Variants in RGS6 observed in about 807,000 individuals in gnomAD.
RGS6 encodes regulator of G protein signaling 6.
RGS6 carries 30 observed loss-of-function variants against 78.5 expected under a neutral mutation model. The observed-to-expected ratio is 0.38, with a 90% CI of 0.29 to 0.52. The LOEUF (loss-of-function observed/expected upper bound fraction) is 0.52, where lower values mean the gene tolerates loss of function less well. Ranked by LOEUF, RGS6 falls within the 20% of genes least tolerant of loss-of-function variation. The pLI is 0.85. For synonymous variants in RGS6, 206 were observed against 206.0 expected, an observed-to-expected ratio of 1.00 and a Z score of 0.00; for missense variants, 495 against 609.7, an observed-to-expected ratio of 0.81 and a Z score of 1.98.
intron 2 of RGS6, among the ~76,000 whole-genome samples, chr14:72,339,015 C>G (rs965073758): frequency 6.6e-6 from 1 of 152,024 alleles, no homozygotes; most frequent in African/African-American, 2.4e-5. Context: ...AACTATTATC[C>G]TTTAGAATTG....
chr14:72,057,683 G>C (rs1452843096), intron 2 of RGS6, among the ~76,000 whole-genome samples: 5 of 152,138 alleles, frequency 3.3e-5, no homozygotes, highest in South Asian at 2.1e-4. Context: ...CTTGATTGCA[G>C]TGAATTTTTC....
chr14:72,280,985 A>G (rs2061472392), intron 2 of RGS6, among the ~76,000 whole-genome samples: 1 of 152,210 alleles, frequency 6.6e-6, no homozygotes, highest in Non-Finnish European at 1.5e-5. Context: ...AATCCTATGT[A>G]GGCAGATGTT....
intron 14 of RGS6, among the ~76,000 whole-genome samples, chr14:72,512,470 G>A (rs1240864626): frequency 6.6e-6 from 1 of 152,208 alleles, no homozygotes; most frequent in African/African-American, 2.4e-5. Flanking sequence ...CTGCGCCTCT[G>A]CCAGCTCCTT....
chr14:72,119,094 G>T (rs566908782), intron 2 of RGS6, among the ~76,000 whole-genome samples: 2 of 152,076 alleles, frequency 1.3e-5, no homozygotes, highest in African/African-American at 4.8e-5. Context: ...AAATAATTCC[G>T]TAGAGTAATG....
At chr14:72,592,499 T>C in the RGS6 span, among the ~76,000 whole-genome samples, 1 of 152,242 alleles carries the variant, frequency 6.6e-6, no homozygotes, top group Non-Finnish European at 1.5e-5. Flanking sequence ...GACATTCCAA[T>C]GTGCCAGATG....
chr14:71,916,568 T>C, the RGS6 span, among the ~76,000 whole-genome samples: 2 of 152,316 alleles, frequency 1.3e-5, no homozygotes, highest in African/African-American at 2.4e-5. Context: ...GAATTTGCAG[T>C]GTGGATCTGC....
the RGS6 span, among the ~76,000 whole-genome samples, chr14:72,586,967 C>T: frequency 1.3e-5 from 2 of 152,064 alleles, no homozygotes; most frequent in African/African-American, 2.4e-5. Flanking sequence ...AACTCATCTA[C>T]TGAATAGGAA....
At chr14:72,161,078 C>T (rs2096845935) in intron 2 of RGS6, among the ~76,000 whole-genome samples, 2 of 152,144 alleles carry the variant, frequency 1.3e-5, no homozygotes, top group African/African-American at 2.4e-5. Context: ...AGGATGAGTT[C>T]GTGTCCTTTG....
intron 2 of RGS6, among the ~76,000 whole-genome samples, chr14:72,012,645 C>T (rs1289249584): frequency 3.9e-5 from 6 of 152,162 alleles, no homozygotes. Context: ...CTAAAAGTAG[C>T]ACCTTCCTTT....
intron 2 of RGS6, among the ~76,000 whole-genome samples, chr14:72,299,244 A>G (rs1244015651): frequency 6.6e-6 from 1 of 152,208 alleles, no homozygotes; most frequent in African/African-American, 2.4e-5. Flanking sequence ...CACCCTAACA[A>G]GAAATCGTGG....
intron 2 of RGS6, among the ~76,000 whole-genome samples, chr14:72,136,034 C>T (rs2096433602): frequency 2.0e-5 from 3 of 152,134 alleles, no homozygotes; most frequent in African/African-American, 7.2e-5. Flanking sequence ...ATTTGTTGCA[C>T]CATTTGCCTG....
the RGS6 span, among the ~76,000 whole-genome samples, chr14:72,574,497 T>C: frequency 6.6e-6 from 1 of 152,066 alleles, no homozygotes; most frequent in East Asian, 1.9e-4. Context: ...AGGGGGAAGA[T>C]CTGATGGAAG....
rs1216431781 is a variant in RGS6, at chr14:72,472,971, A to C, written c.618+18A>C. On this transcript the variant is annotated intron_variant, in intron 9 of 17. Coordinates refer to ENST00000553525, the MANE Select transcript of RGS6 (RefSeq NM_001204424.2). ...GGCCTGTGGTGAGAAAGCGCTACTC[A>C]ATTCTCTAGATTTTTTTTTCTTAAT... 1.3e-6 allele frequency: 2 copies of C among 1,549,128 alleles called. No individual in the cohort carries two copies. The highest frequency in any genetic ancestry group is 2.3e-5 in the East Asian group (1 of 43,348).
chr14:72,052,930 T>C (rs1001900279), intron 2 of RGS6, among the ~76,000 whole-genome samples: 7 of 23,360 alleles, frequency 3.0e-4, no homozygotes, highest in East Asian at 1.7e-3. Flanking sequence ...TGTATTTTTC[T>C]TTCTTTCTTT....
chr14:72,598,706 A>G, the RGS6 span, among the ~76,000 whole-genome samples: 2 of 152,222 alleles, frequency 1.3e-5, no homozygotes, highest in Non-Finnish European at 2.9e-5. Flanking sequence ...AAGCTCTGGC[A>G]GGAGCAGGCA....
intron 2 of RGS6, among the ~76,000 whole-genome samples, chr14:72,338,390 C>T (rs2076416062): frequency 6.6e-6 from 1 of 152,158 alleles, no homozygotes; most frequent in Non-Finnish European, 1.5e-5. Flanking sequence ...GAGGAAACCC[C>T]TTTAAAATAA....
At chr14:71,958,849 T>G (rs2092986564) in intron 1 of RGS6, among the ~76,000 whole-genome samples, 1 of 152,304 alleles carries the variant, frequency 6.6e-6, no homozygotes, top group African/African-American at 2.4e-5. Context: ...GGATCAGAAC[T>G]TCTGGAGCAT....
rs185914340 is a variant in RGS6 at position 72,383,065 on chromosome 14, A to C, written c.184+30871A>C. Reference sequence around the variant, plus strand: ...GGGTACCTTTATTATTTTAGAATACATCTTTATACTTTTACATATATGCTT... The same window carrying C: ...GGGTACCTTTATTATTTTAGAATACCTCTTTATACTTTTACATATATGCTT... On this transcript the variant is annotated intron_variant, in intron 3 of 17. Transcript: ENST00000553525. 9.3e-4 allele frequency among the ~76,000 whole-genome samples: 141 copies of C among 151,266 alleles called. 1 individual carries two copies. The highest frequency in any genetic ancestry group is 3.0e-3 in the African/African-American group (124 of 41,350).
chr14:72,169,556 T>C (rs1385208201), intron 2 of RGS6, among the ~76,000 whole-genome samples: 1 of 152,236 alleles, frequency 6.6e-6, no homozygotes, highest in Non-Finnish European at 1.5e-5. Flanking sequence ...TGATCTGAGC[T>C]TACAAGTAGG....
Sources: allele counts gnomAD v4.1 joint callset (sites outside exome capture counted in the v4.1 genomes callset), GRCh38; gene constraint gnomAD v4.1.1; transcripts MANE v1.5; gene names NCBI Gene and HGNC (gene_info 2026-07-23, HGNC 2026-07-21).